ATP2B4: variants seen among roughly 807,000 people sequenced by gnomAD.
ATP2B4 encodes ATPase plasma membrane Ca2+ transporting 4.
In ATP2B4, 39 loss-of-function variants were observed where a neutral mutation model predicts 110.3. The observed-to-expected ratio is 0.35, with a 90% confidence interval of 0.27 to 0.46. ATP2B4 has a LOEUF of 0.46. Ranked by LOEUF, ATP2B4 falls within the 20% of genes least tolerant of loss-of-function variation. The pLI is 1.00. For missense variants in ATP2B4, 1,135 were observed against 1,530.9 expected (o/e 0.74, Z 4.32); for synonymous variants, 538 against 571.7 (o/e 0.94, Z 0.84).
intron 14 of ATP2B4, 55 bp downstream of exon 14, chr1:203,713,307 G>A: frequency 1.2e-6 from 2 of 1,603,252 alleles, no homozygotes; most frequent in Admixed American, 1.7e-5. Flanking sequence ...GCCAGGGCGA[G>A]GACAGATAAG....
intron 2 of ATP2B4, among the ~76,000 whole-genome samples, chr1:203,697,548 T>G (rs1665568363): frequency 3.3e-5 from 5 of 152,228 alleles, no homozygotes; most frequent in Admixed American, 3.3e-4. Context: ...CTTATACTTG[T>G]TACTAAGATA....
intron 19 of ATP2B4, among the ~76,000 whole-genome samples, chr1:203,726,786 T>A (rs964051524): frequency 2.6e-5 from 4 of 152,226 alleles, no homozygotes; most frequent in Admixed American, 6.5e-5. Context: ...GCTCCTTGTC[T>A]TCTGATAATA....
intron 20 of ATP2B4, among the ~76,000 whole-genome samples, chr1:203,730,980 G>A (rs1422587680): frequency 4.6e-5 from 7 of 152,158 alleles, no homozygotes; most frequent in African/African-American, 7.2e-5. Flanking sequence ...CCACCTCCAC[G>A]TTGATCTTTG....
Position 203,698,180 on chromosome 1 carries a change from C to T in ATP2B4, c.217C>T (p.Leu73=). ...AGGTCTGTCTGGGAACCCTGCAGAT[C>T]TGGAGAAACGTAGGCAGGTGTTTGG... The part of the protein sequence containing the change: ...VEGLSGNPAD[L]EKRRQVFGHN... The change falls in exon 3 of 21, where the codon CTG becomes TTG. Residue 73 remains leucine (L), a synonymous_variant. Transcript: ENST00000357681. 1 of 1,614,182 alleles carries T rather than the reference C, an allele frequency of 6.2e-7. No homozygotes were observed. The highest frequency in any genetic ancestry group is 8.5e-7 in the Non-Finnish European group (1 of 1,180,030).
Position 203,709,475 on chromosome 1 carries a change from G to C in ATP2B4, c.1732G>C (p.Val578Leu). ...CTCAGTGCGCAAGTCAATGAGCACC[G>C]TCATCAGGAATCCCAACGGTGGCTT... ...FNSVRKSMST[V>L]IRNPNGGFRM... Residue 578 changes from valine to leucine, a missense_variant, in exon 11 of 21, where the codon GTC becomes CTC. Coordinates refer to ENST00000357681, the MANE Select transcript of ATP2B4 (RefSeq NM_001684.5). 6.2e-7 allele frequency: 1 copy of C among 1,614,154 alleles called. No individual in the cohort carries two copies.
At chr1:203,633,621 G>A (rs916695652) in intron 1 of ATP2B4, among the ~76,000 whole-genome samples, 4 of 151,478 alleles carry the variant, frequency 2.6e-5, no homozygotes, top group East Asian at 1.9e-4. Context: ...AAAATTAGCC[G>A]GAAATCGATT....
At chr1:203,666,953 T>C (rs144838542) in intron 1 of ATP2B4, among the ~76,000 whole-genome samples, 5 of 152,272 alleles carry the variant, frequency 3.3e-5, no homozygotes, top group South Asian at 2.1e-4. Flanking sequence ...CTTTTTGCTT[T>C]TGTTTTGTTT....
chr1:203,692,125 C>A (rs1164448821), intron 2 of ATP2B4, among the ~76,000 whole-genome samples: 1 of 152,010 alleles, frequency 6.6e-6, no homozygotes, highest in East Asian at 1.9e-4. Context: ...CATGATCCGC[C>A]CGCCTCGGCC....
In ATP2B4 at chr1:203,733,452, G is replaced by A. The variant is rs375262361; in HGVS notation, c.3309+5881G>A. The A allele has an allele frequency of 1.2e-5, 18 of 1,480,202 alleles. No homozygotes were observed. In the African/African-American group the frequency reaches 2.5e-4, roughly 21 times the overall value. 91.7% of individuals were successfully genotyped at this position (1,480,202 alleles called of 1,614,324 possible). A position where few individuals can be genotyped will look rare whatever the true frequency, so the allele number is the denominator to read the frequency against. ...GATTTGCTAAAATGACCACAAGAGAGCACGTGGCATCCACTTTAACCAACC... is the reference window on the plus strand; with the variant it reads ...GATTTGCTAAAATGACCACAAGAGAACACGTGGCATCCACTTTAACCAACC... On this transcript the variant is annotated intron_variant, in intron 20 of 20. Coordinates refer to ENST00000357681, the MANE Select transcript of ATP2B4 (RefSeq NM_001684.5).
In ATP2B4 at chr1:203,707,238, A is replaced by T; in HGVS notation, c.1314+15A>T. The T allele has an allele frequency of 6.2e-7, 1 of 1,601,476 alleles. No homozygotes were observed. Among genetic ancestry groups the T allele is most frequent in the Non-Finnish European group, 8.5e-7 (1 of 1,170,264 alleles). The stretch of plus-strand genomic sequence containing the variant: ...ACTCTGTGAAGGTGAGACTAGAACA[A>T]TCCTATCTCTTCCTTTAGGATAGAG... On this transcript the variant is annotated intron_variant, in intron 9 of 20. Transcript: ENST00000357681.
At chr1:203,657,610 T>C in intron 1 of ATP2B4, 1 of 966,616 alleles carries the variant, frequency 1.0e-6, no homozygotes, top group Non-Finnish European at 1.7e-6. Flanking sequence ...AGCTTAGCCT[T>C]CAGACCAATC....
chr1:203,732,883 A>G (rs1398135424), intron 20 of ATP2B4, among the ~76,000 whole-genome samples: 1 of 152,046 alleles, frequency 6.6e-6, no homozygotes, highest in Non-Finnish European at 1.5e-5. Context: ...GTGATGGAGT[A>G]GGGAAAAGTC....
intron 2 of ATP2B4, among the ~76,000 whole-genome samples, chr1:203,697,566 G>A (rs1665569179): frequency 6.6e-6 from 1 of 152,134 alleles, no homozygotes; most frequent in Admixed American, 6.5e-5. Context: ...ATAAGTGAGT[G>A]GTCCCATGGC....
intron 1 of ATP2B4, among the ~76,000 whole-genome samples, chr1:203,652,494 A>G (rs751143183): frequency 5.3e-5 from 8 of 152,222 alleles, no homozygotes; most frequent in Non-Finnish European, 8.8e-5. Flanking sequence ...AAAAATTATA[A>G]GCATACCTTA....
intron 1 of ATP2B4, among the ~76,000 whole-genome samples, chr1:203,640,226 C>A (rs1307465376): frequency 6.6e-6 from 1 of 152,200 alleles, no homozygotes; most frequent in Non-Finnish European, 1.5e-5. Context: ...CCCCTTGACC[C>A]CACTCCCAAG....
intron 20 of ATP2B4, chr1:203,733,115 T>A (rs962710257): frequency 9.4e-7 from 1 of 1,063,642 alleles, no homozygotes; most frequent in Non-Finnish European, 1.3e-6. Context: ...TTTTCCCATC[T>A]ACTTCCATTC....
chr1:203,629,166 C>T lies in ATP2B4; in HGVS notation c.-465+1947C>T, dbSNP rs750628050. Among the ~76,000 whole-genome samples, 2 of 152,168 alleles carry T rather than the reference C, an allele frequency of 1.3e-5. No homozygotes were observed. Among genetic ancestry groups the T allele is most frequent in the Non-Finnish European group, 2.9e-5 (2 of 68,024 alleles). Reference sequence around the variant, plus strand: ...GGTGTTGATTGATCTGACTGCACCCCTCGGCTAGACAGCTCTTCCCTACCT... The same window carrying T: ...GGTGTTGATTGATCTGACTGCACCCTTCGGCTAGACAGCTCTTCCCTACCT... On this transcript the variant is annotated intron_variant, in intron 1 of 20. Transcript: ENST00000357681. This position sits in a 1 kb window ranked among gnomAD's most constrained non-coding sequence, Gnocchi z 4.6.
At chr1:203,707,779 G>T in intron 9 of ATP2B4, 83 bp from the exon 10 acceptor site, 1 of 1,546,788 alleles carries the variant, frequency 6.5e-7, no homozygotes, top group Non-Finnish European at 8.8e-7. Flanking sequence ...GTGGAGAGAT[G>T]TTGGCTAGGA....
At chr1:203,645,601 T>G (rs543177044) in intron 1 of ATP2B4, among the ~76,000 whole-genome samples, 59 of 151,144 alleles carry the variant, frequency 3.9e-4, no homozygotes, top group African/African-American at 1.3e-3. Flanking sequence ...TTTTTTTTTT[T>G]TTTTTCTGGA....
Sources: allele counts gnomAD v4.1 joint callset (sites outside exome capture counted in the v4.1 genomes callset), GRCh38; gene constraint gnomAD v4.1.1; non-coding constraint Gnocchi (gnomAD v3.1); transcripts MANE v1.5; gene names NCBI Gene and HGNC (gene_info 2026-07-23, HGNC 2026-07-21).